MICAL3: variants seen among roughly 807,000 people sequenced by gnomAD.
MICAL3 encodes [F-actin]-monooxygenase MICAL3.
In MICAL3, 62 loss-of-function variants were observed where a neutral mutation model predicts 207.4. That is an observed-to-expected ratio of 0.30 (90% confidence interval 0.24 to 0.37). MICAL3 has a LOEUF of 0.37. MICAL3 is among the 10% of genes least tolerant of loss of function. The pLI is 1.00. For missense variants in MICAL3, 2,368 were observed against 2,635.6 expected, an observed-to-expected ratio of 0.90 and a Z score of 2.22; for synonymous variants, 1,077 against 1,069.3, an observed-to-expected ratio of 1.01 and a Z score of -0.14.
intron 19 of MICAL3, among the ~76,000 whole-genome samples, chr22:17,850,453 C>G (rs550345918): frequency 1.5e-5 from 2 of 132,538 alleles, no homozygotes; most frequent in Non-Finnish European, 3.1e-5. Context: ...CTCTGTTACC[C>G]AGGCTGGAGT....
chr22:17,951,105 C>T (rs1934327312), intron 1 of MICAL3, among the ~76,000 whole-genome samples: 1 of 152,212 alleles, frequency 6.6e-6, no homozygotes, highest in Non-Finnish European at 1.5e-5. Flanking sequence ...GGGCCACTTC[C>T]TCCACTGTCT....
intron 21 of MICAL3, among the ~76,000 whole-genome samples, chr22:17,829,862 C>T (rs761541271): frequency 6.7e-6 from 1 of 150,024 alleles, no homozygotes; most frequent in South Asian, 2.1e-4. Context: ...TCCTCCAGAA[C>T]CTCTTCTGAC....
chr22:17,951,467 C>T (rs1486607551), intron 1 of MICAL3, among the ~76,000 whole-genome samples: 1 of 151,754 alleles, frequency 6.6e-6, no homozygotes, highest in African/African-American at 2.4e-5. Flanking sequence ...ACGCATGACA[C>T]ACTCTGCTGC....
intron 27 of MICAL3, among the ~76,000 whole-genome samples, chr22:17,812,193 C>G (rs1040193143): frequency 1.3e-5 from 2 of 152,260 alleles, no homozygotes; most frequent in African/African-American, 4.8e-5. Flanking sequence ...AGCGCTGCAC[C>G]TTGCTGATCA....
intron 1 of MICAL3, chr22:18,020,315 A>G (rs181857378): frequency 2.4e-4 from 37 of 151,920 alleles, no homozygotes; most frequent in African/African-American, 8.9e-4. Context: ...CCTGAAAGAT[A>G]TATTTTGGGT....
intron 1 of MICAL3, among the ~76,000 whole-genome samples, chr22:18,001,732 C>T (rs1483578033): frequency 6.6e-6 from 1 of 152,244 alleles, no homozygotes; most frequent in Non-Finnish European, 1.5e-5. Flanking sequence ...TTCGTCCTCT[C>T]CGTCCCCCTG....
intron 7 of MICAL3, among the ~76,000 whole-genome samples, chr22:17,898,692 C>G (rs1484465049): frequency 6.6e-6 from 1 of 152,172 alleles, no homozygotes; most frequent in African/African-American, 2.4e-5. Context: ...CACGTTGAGA[C>G]CAGTGAGACC....
chr22:17,809,134 G>A (rs1176152306), intron 28 of MICAL3, among the ~76,000 whole-genome samples, 197 bp from the exon 29 acceptor site: 1 of 152,234 alleles, frequency 6.6e-6, no homozygotes, highest in East Asian at 1.9e-4. Context: ...GCCAGGCTCC[G>A]GGCCTTGCTA....
chr22:17,961,735 C>T (rs1266461729), intron 1 of MICAL3, among the ~76,000 whole-genome samples: 4 of 152,190 alleles, frequency 2.6e-5, no homozygotes, highest in Admixed American at 6.5e-5. Flanking sequence ...CACCCCTAAC[C>T]GACTCTGGGG....
intron 7 of MICAL3, chr22:17,899,244 T>A: frequency 1.5e-6 from 1 of 652,112 alleles, no homozygotes; most frequent in Non-Finnish European, 2.8e-6. Context: ...CATTACACTA[T>A]TCTCCCCCCG....
intron 20 of MICAL3, among the ~76,000 whole-genome samples, chr22:17,839,317 G>A (rs946917449): frequency 9.2e-6 from 1 of 108,768 alleles, no homozygotes; most frequent in African/African-American, 5.5e-5. Context: ...GAGTGCAGTG[G>A]CACAATCTGG....
In MICAL3 at chr22:17,879,762, C is replaced by A. The variant is rs182082014; in HGVS notation, c.2241+6116G>T. ...AGGCAGGTTAAAAGGGTGACACATT[C>A]CACAACAAGACATTTTAGAAAGCAA... On this transcript the variant is annotated intron_variant, in intron 16 of 31. Transcript: ENST00000441493. Among the ~76,000 whole-genome samples the A allele has an allele frequency of 1.5e-3, 224 of 152,266 alleles. 1 individual carries two copies. The highest frequency in any genetic ancestry group is 5.1e-3 in the African/African-American group (214 of 41,558).
intron 19 of MICAL3, chr22:17,863,931 G>A (rs1569101220): frequency 1.0e-6 from 1 of 985,424 alleles, no homozygotes. Flanking sequence ...AGATACATGT[G>A]TTTTGAACAA....
intron 29 of MICAL3, among the ~76,000 whole-genome samples, chr22:17,798,685 T>TA (rs2061902786): frequency 6.6e-6 from 1 of 150,406 alleles, no homozygotes; most frequent in South Asian, 2.1e-4. Flanking sequence ...TTTTTTTTTT[T>TA]TTTTTTGAGA....
intron 1 of MICAL3, among the ~76,000 whole-genome samples, chr22:18,018,149 C>G (rs539577879): frequency 6.6e-6 from 1 of 152,184 alleles, no homozygotes; most frequent in East Asian, 1.9e-4. Flanking sequence ...GCTGGGATTA[C>G]AAGCGTGAGC....
At chr22:17,929,029 G>A (rs1372191186) in intron 1 of MICAL3, among the ~76,000 whole-genome samples, 2 of 151,214 alleles carry the variant, frequency 1.3e-5, no homozygotes, top group African/African-American at 2.4e-5. Flanking sequence ...TCCTGACCTT[G>A]TGATCTGCCC....
At chr22:17,877,058 GGTTATGGAGGTTAGGGAAGTTAT>G (rs1928640076) in intron 16 of MICAL3, among the ~76,000 whole-genome samples, 1 of 116,418 alleles carries the variant, frequency 8.6e-6, no homozygotes, top group Non-Finnish European at 1.9e-5. Flanking sequence ...AGGTTAGGGA[GGTTATGGAGGTTAGGGAAGTTAT>G]GGAGGTTATG....
At chr22:17,930,174 G>A (rs1227534659) in intron 1 of MICAL3, among the ~76,000 whole-genome samples, 1 of 152,182 alleles carries the variant, frequency 6.6e-6, no homozygotes, top group Non-Finnish European at 1.5e-5. Flanking sequence ...AGTAGGCAAC[G>A]ATAGGGAACA....
At position 17,817,528 on chromosome 22, in the gene MICAL3, C is replaced by T. The variant is rs775230272; in HGVS notation, c.5133G>A (p.Glu1711=). Residue 1711 remains glutamate (E), a synonymous_variant, in exon 26 of 32, where the codon GAG becomes GAA. Coordinates refer to ENST00000441493, the MANE Select transcript of MICAL3 (RefSeq NM_015241.3). ...GCCGGCCCTCGCCTTTGGACTTCTT[C>T]TCCTTCTTGTTTCTGCGGGGGGAGA... ...SLFSPRRNKK[E]KKSKGEGRPP... The T allele has an allele frequency of 9.9e-6, 16 of 1,613,638 alleles. No individual in the cohort carries two copies. The highest frequency in any genetic ancestry group is 5.0e-5 in the Admixed American group (3 of 59,994).
Sources: allele counts gnomAD v4.1 joint callset (sites outside exome capture counted in the v4.1 genomes callset), GRCh38; gene constraint gnomAD v4.1.1; transcripts MANE v1.5; gene names NCBI Gene and HGNC (gene_info 2026-07-23, HGNC 2026-07-21).